The following HECTD2 variants were observed in gnomAD, a reference collection of about 807,000 sequenced individuals.
HECTD2 encodes HECT domain E3 ubiquitin protein ligase 2.
In HECTD2, 35 loss-of-function variants were observed where a neutral mutation model predicts 103.2. The observed-to-expected ratio is 0.34, with a 90% confidence interval of 0.26 to 0.45. HECTD2 has a LOEUF of 0.45. Among genes scored for constraint, HECTD2 ranks in the 20% least tolerant of loss-of-function variants. HECTD2 has a pLI of 1.00. For synonymous variants in HECTD2, 281 were observed against 329.9 expected, an observed-to-expected ratio of 0.85 and a Z score of 1.61; for missense variants, 596 against 937.4, an observed-to-expected ratio of 0.64 and a Z score of 4.76.
chr10:91,506,036 C>T (rs1331124913), intron 20 of HECTD2, among the ~76,000 whole-genome samples: 3 of 151,720 alleles, frequency 2.0e-5, no homozygotes, highest in Non-Finnish European at 4.4e-5. Flanking sequence ...GGGTACATAA[C>T]GAAATGAAGG....
chr10:91,440,218 T>G (rs1844344305), intron 2 of HECTD2, among the ~76,000 whole-genome samples: 1 of 152,172 alleles, frequency 6.6e-6, no homozygotes. Flanking sequence ...TGCGGCTTTG[T>G]CATAAATAGC....
chr10:91,484,684 ACTTTT>A (rs1846205839), intron 9 of HECTD2, 29 bp downstream of exon 9: 3 of 1,543,876 alleles, frequency 1.9e-6, no homozygotes, highest in Non-Finnish European at 2.6e-6. Context: ...ATCATTTTTT[ACTTTT>A]CTTTTGTTAC....
chr10:91,468,417 C>T (rs535049851), intron 5 of HECTD2, among the ~76,000 whole-genome samples: 8 of 152,122 alleles, frequency 5.3e-5, no homozygotes, highest in South Asian at 4.2e-4. Context: ...AAATCCCATT[C>T]GAAGGGTAGC....
At chr10:91,501,379 C>T (rs369913271) in intron 20 of HECTD2, 45 bp downstream of exon 20, 6 of 1,157,366 alleles carry the variant, frequency 5.2e-6, no homozygotes, top group Non-Finnish European at 7.5e-6. Context: ...AAGGTTACTG[C>T]TAATACTGCT....
At chr10:91,427,105 G>A (rs1383386925) in intron 2 of HECTD2, among the ~76,000 whole-genome samples, 1 of 147,040 alleles carries the variant, frequency 6.8e-6, no homozygotes, top group African/African-American at 2.5e-5. Flanking sequence ...GCGGTGTTTG[G>A]TTTTTTGTCC....
At chr10:91,485,081 G>T in intron 9 of HECTD2, 99 bp from the exon 10 acceptor site, 1 of 775,966 alleles carries the variant, frequency 1.3e-6, no homozygotes, top group Non-Finnish European at 2.0e-6. Flanking sequence ...GAGTTTCTAG[G>T]TCAAGGCTGT....
At chr10:91,484,942 C>T (rs1333477520) in intron 9 of HECTD2, among the ~76,000 whole-genome samples, 2 of 151,954 alleles carry the variant, frequency 1.3e-5, no homozygotes, top group African/African-American at 4.8e-5. Flanking sequence ...TGGCCATCTG[C>T]ATATTCCCTT....
chr10:91,416,412 C>T (rs972725294), intron 1 of HECTD2, among the ~76,000 whole-genome samples: 2 of 152,188 alleles, frequency 1.3e-5, no homozygotes, highest in East Asian at 3.8e-4. Flanking sequence ...TGAAGGCAGT[C>T]TAATGCCTTT....
chr10:91,497,937 G>A (rs929821063), intron 15 of HECTD2, among the ~76,000 whole-genome samples, 171 bp from the exon 16 acceptor site: 3 of 152,062 alleles, frequency 2.0e-5, no homozygotes, highest in Admixed American at 6.5e-5. Flanking sequence ...GACCTATAAT[G>A]ATTTTTTTCT....
intron 5 of HECTD2, among the ~76,000 whole-genome samples, chr10:91,474,291 T>C (rs1324187466): frequency 6.6e-6 from 1 of 152,094 alleles, no homozygotes; most frequent in African/African-American, 2.4e-5. Context: ...GAATAAGTAA[T>C]TGAATAACGA....
At chr10:91,466,510 C>A (rs988623747) in intron 5 of HECTD2, among the ~76,000 whole-genome samples, 5 of 152,070 alleles carry the variant, frequency 3.3e-5, no homozygotes, top group Non-Finnish European at 5.9e-5. Context: ...TGATTAATTT[C>A]AGATTTTTTT....
intron 2 of HECTD2, among the ~76,000 whole-genome samples, chr10:91,433,152 C>T (rs1843964309): frequency 6.6e-6 from 1 of 151,930 alleles, no homozygotes; most frequent in Non-Finnish European, 1.5e-5. Context: ...AGATCTTTCC[C>T]TAGGTCAGAG....
intron 10 of HECTD2, chr10:91,485,527 T>C: frequency 2.6e-6 from 1 of 389,504 alleles, no homozygotes; most frequent in Non-Finnish European, 4.5e-6. Context: ...AATAGCATCT[T>C]TTCAAGAAGG....
intron 20 of HECTD2, among the ~76,000 whole-genome samples, chr10:91,511,280 A>G (rs1399319495): frequency 6.6e-6 from 1 of 152,086 alleles, no homozygotes; most frequent in South Asian, 2.1e-4. Flanking sequence ...TAACAACACT[A>G]TCAGATAGTA....
rs141342572 is a variant in HECTD2 at position 91,470,740 on chromosome 10, G to A, written c.601-7461G>A. On this transcript the variant is annotated intron_variant, in intron 5 of 20. Coordinates refer to ENST00000298068, the MANE Select transcript of HECTD2 (RefSeq NM_182765.6). ...CCCAAGATGGAACCAGGAAGAAATG[G>A]AAACCCTAAACAGACCAATAATGAG... Among the ~76,000 whole-genome samples, 23 of 152,006 alleles carry A rather than the reference G, an allele frequency of 1.5e-4. No individual in the cohort carries two copies. In the East Asian group the frequency reaches 3.9e-3, roughly 26 times the overall value.
chr10:91,485,559 CA>C, intron 10 of HECTD2: 1 of 323,500 alleles, frequency 3.1e-6, no homozygotes, highest in Non-Finnish European at 5.5e-6. Flanking sequence ...TCTTAATATG[CA>C]GTCTCTTATC....
chr10:91,421,114 C>G (rs1382945343), intron 1 of HECTD2, among the ~76,000 whole-genome samples: 2 of 152,110 alleles, frequency 1.3e-5, no homozygotes, highest in African/African-American at 4.8e-5. Context: ...ACTTCCCATT[C>G]ATTTGTCAAT....
intron 2 of HECTD2, among the ~76,000 whole-genome samples, chr10:91,430,637 CCTT>C (rs1434786024): frequency 6.6e-6 from 1 of 152,092 alleles, no homozygotes; most frequent in Non-Finnish European, 1.5e-5. Context: ...TATGTAATGG[CCTT>C]CTTTGTCTCT....
At chr10:91,424,312 G>A (rs1187312204) in intron 1 of HECTD2, among the ~76,000 whole-genome samples, 1 of 152,146 alleles carries the variant, frequency 6.6e-6, no homozygotes, top group Non-Finnish European at 1.5e-5. Flanking sequence ...GAGCATAAAT[G>A]CTTCTGCTAT....
Sources: allele counts gnomAD v4.1 joint callset (sites outside exome capture counted in the v4.1 genomes callset), GRCh38; gene constraint gnomAD v4.1.1; transcripts MANE v1.5; gene names NCBI Gene and HGNC (gene_info 2026-07-23, HGNC 2026-07-21).